MEAK7: variants seen among roughly 807,000 people sequenced by gnomAD.
MEAK7 encodes the protein MTOR-associated protein MEAK7.
MEAK7 carries 68 observed loss-of-function variants against 40.5 expected under a neutral mutation model. The observed-to-expected ratio is 1.68, with a 90% CI of 1.38 to 2.06. MEAK7 has a LOEUF of 2.06. MEAK7 is among the 30% of genes most tolerant of loss of function. The pLI is 0.00. For synonymous variants in MEAK7, 338 were observed against 231.9 expected (o/e 1.46, Z -4.16); for missense variants, 918 against 580.5 (o/e 1.58, Z -5.98).
chr16:84,487,929 A>T (rs958346780), intron 4 of MEAK7: 2 of 152,236 alleles, frequency 1.3e-5, no homozygotes, highest in African/African-American at 4.8e-5. Flanking sequence ...GCTCTTGCTG[A>T]CACAAAGGCC....
At position 84,489,335 on chromosome 16, in the gene MEAK7, G is replaced by A. The variant is rs1451343617; in HGVS notation, c.472C>T (p.Pro158Ser). Reference sequence around the variant, plus strand: ...GCCAGCACCTGCACCCGGGGGTTGGGCCCTGGGGCTTCCTTCCCAGTCCAG... The same window carrying A: ...GCCAGCACCTGCACCCGGGGGTTGGACCCTGGGGCTTCCTTCCCAGTCCAG... ...RGWTGKEAPG[P>S]NPRVQVLAAQ... is the part of the protein sequence containing the mutation. The change falls in exon 4 of 8, where the codon CCC becomes TCC. Residue 158 changes from proline to serine, a missense_variant. By Grantham distance (74) the Pro-to-Ser change is moderately conservative (BLOSUM62 -1). Coordinates refer to ENST00000343629, the MANE Select transcript of MEAK7 (RefSeq NM_020947.4). 1 of 1,614,160 alleles carries A rather than the reference G, an allele frequency of 6.2e-7. No homozygotes were observed. Among genetic ancestry groups the A allele is most frequent in the Non-Finnish European group, 8.5e-7 (1 of 1,180,024 alleles).
rs1026243287 is a variant in MEAK7, at chr16:84,479,899, G to T, written c.*14C>A. ...GAATCCAGGTCCTGGCTCCAGGAAG[G>T]CTCAGGCGGCTCCTCATTCATCGTC... is the stretch of plus-strand genomic sequence containing the variant. On this transcript the variant is annotated 3_prime_UTR_variant, in exon 8 of 8. Coordinates refer to ENST00000343629, the MANE Select transcript of MEAK7 (RefSeq NM_020947.4). The T allele has an allele frequency of 6.3e-7, 1 of 1,578,610 alleles. No individual in the cohort carries two copies. Among genetic ancestry groups the T allele is most frequent in the Non-Finnish European group, 8.6e-7 (1 of 1,156,464 alleles).
At chr16:84,500,612 C>T (rs771000651) in intron 1 of MEAK7, among the ~76,000 whole-genome samples, 9 of 152,160 alleles carry the variant, frequency 5.9e-5, no homozygotes, top group Admixed American at 2.6e-4. Context: ...AGGGCTTACC[C>T]GACCCCGTTT....
chr16:84,491,435 A>T (rs566098685), intron 3 of MEAK7, among the ~76,000 whole-genome samples: 3 of 150,432 alleles, frequency 2.0e-5, no homozygotes, highest in Admixed American at 6.6e-5. Flanking sequence ...CCTACTTGGG[A>T]TGCTGAGGCA....
intron 1 of MEAK7, among the ~76,000 whole-genome samples, chr16:84,498,321 T>G (rs1490134671): frequency 6.6e-6 from 1 of 152,120 alleles, no homozygotes; most frequent in African/African-American, 2.4e-5. Flanking sequence ...CAGGCTGGAG[T>G]GCAGTGGTGC....
chr16:84,482,506 C>A, intron 6 of MEAK7, 86 bp downstream of exon 6: 1 of 1,605,326 alleles, frequency 6.2e-7, no homozygotes, highest in South Asian at 1.1e-5. Context: ...GCGCCCTGCC[C>A]TGATCTGTGG....
In MEAK7 at chr16:84,476,727, G is replaced by C. The variant is rs1244597126; in HGVS notation, c.*3186C>G. On this transcript the variant is annotated 3_prime_UTR_variant, in exon 8 of 8. Transcript: ENST00000343629. ...AAAAAAGAAAGCGAGGGACACATCAGTGTGTAAAAGACAGTGATGCCCAGG... is the reference window on the plus strand; with the variant it reads ...AAAAAAGAAAGCGAGGGACACATCACTGTGTAAAAGACAGTGATGCCCAGG... 2.0e-5 allele frequency: 3 copies of C among 152,236 alleles called. No individual in the cohort carries two copies. The highest frequency in any genetic ancestry group is 6.5e-5 in the Admixed American group (1 of 15,286). The allele number at this position is 152,236 out of a possible 1,614,324, so 9.4% of individuals were successfully genotyped here. A position where few individuals can be genotyped will look rare whatever the true frequency, so the allele number is the denominator to read the frequency against.
chr16:84,498,016 A>G lies in MEAK7; in HGVS notation c.71T>C (p.Ile24Thr). Residue 24 changes from isoleucine to threonine, a missense_variant, in exon 2 of 8, where the codon ATT becomes ACT. Ile to Thr is a moderately conservative substitution (Grantham distance 89). Transcript: ENST00000343629. ...TGACAGAGCATCAAACAATTGATCA[A>G]TCTCTGCCTGTTCCTCAGGAAGAAA... ...SQFLPEEQAE[I>T]DQLFDALSSD... The G allele has an allele frequency of 6.2e-7, 1 of 1,614,154 alleles. No individual in the cohort carries two copies. Among genetic ancestry groups the G allele is most frequent in the Non-Finnish European group, 8.5e-7 (1 of 1,180,020 alleles).
chr16:84,481,720 T>C (rs1489360559), intron 6 of MEAK7, among the ~76,000 whole-genome samples: 1 of 151,992 alleles, frequency 6.6e-6, no homozygotes, highest in Non-Finnish European at 1.5e-5. Flanking sequence ...GATCACGAGG[T>C]CAGGAGATGG....
chr16:84,492,780 C>T (rs866811786), intron 3 of MEAK7, among the ~76,000 whole-genome samples: 1 of 152,016 alleles, frequency 6.6e-6, no homozygotes, highest in African/African-American at 2.4e-5. Context: ...CAGGGTTTCA[C>T]CATGTTAGCG....
intron 2 of MEAK7, among the ~76,000 whole-genome samples, chr16:84,496,770 T>G (rs1251993235): frequency 1.3e-5 from 2 of 152,130 alleles, no homozygotes; most frequent in African/African-American, 4.8e-5. Context: ...TCCCACAATC[T>G]GCTCCCATCC....
At chr16:84,495,511 C>T in intron 3 of MEAK7, 172 bp downstream of exon 3, 4 of 632,996 alleles carry the variant, frequency 6.3e-6, no homozygotes, top group Non-Finnish European at 1.1e-5. Flanking sequence ...AGGCACAGGC[C>T]TCTCTCCCAG....
At chr16:84,497,536 G>A (rs1305489921) in intron 2 of MEAK7, 15 of 1,291,466 alleles carry the variant, frequency 1.2e-5, no homozygotes, top group Middle Eastern at 2.1e-4. Context: ...CAGGAGGGAC[G>A]TGGTTCAAGA....
At chr16:84,484,704 T>C (rs1912879990) in intron 5 of MEAK7, among the ~76,000 whole-genome samples, 1 of 152,178 alleles carries the variant, frequency 6.6e-6, no homozygotes, top group South Asian at 2.1e-4. Flanking sequence ...AGCTATTAAA[T>C]CACTTAAAGT....
At position 84,500,546 on chromosome 16, in the gene MEAK7, T is replaced by TG. The variant is rs573164507; in HGVS notation, c.-25-2436dup. Among the ~76,000 whole-genome samples, 355 of 152,278 alleles carry TG rather than the reference T, an allele frequency of 2.3e-3. 2 individuals are homozygous for TG. Among genetic ancestry groups the TG allele is most frequent in the African/African-American group, 8.0e-3 (334 of 41,546 alleles). ...GCCCCTCTGCACAGGAAGTCTCCAC[T>TG]GGGGGGCTCCTTGGAAGGGGATGGG... is the stretch of plus-strand genomic sequence containing the variant. On this transcript the variant is annotated intron_variant, in intron 1 of 7. Coordinates refer to ENST00000343629, the MANE Select transcript of MEAK7 (RefSeq NM_020947.4).
rs151316478 is a variant in MEAK7, at chr16:84,495,907, C to T, written c.160G>A (p.Val54Ile). The change falls in exon 3 of 8, where the codon GTC becomes ATC. Residue 54 changes from valine (V) to isoleucine (I), a missense_variant. Transcript: ENST00000343629. Reference protein sequence around the residue: ...SFSLKALQNHVGEALPPEMVT... With the variant: ...SFSLKALQNHIGEALPPEMVT... ...ATCTCTGGGGGAAGAGCTTCCCCGA[C>T]GTGGTTCTGCCGGGGACAAGCAGAA... 200 of 1,613,812 alleles carry T rather than the reference C, an allele frequency of 1.2e-4. No homozygotes were observed. The highest frequency in any genetic ancestry group is 1.5e-4 in the Non-Finnish European group (177 of 1,180,016).
Position 84,486,649 on chromosome 16 carries a change from C to G in MEAK7, c.940G>C (p.Val314Leu). The change falls in exon 5 of 8, where the codon GTG (valine) becomes CTG (leucine). Residue 314 changes from valine (V) to leucine (L), a missense_variant. Coordinates refer to ENST00000343629, the MANE Select transcript of MEAK7 (RefSeq NM_020947.4). ...GTCTTACCTTGAAACTGAGGCTTCACCTCCCAAGAGCAAGAGGCAAACCCA... is the reference window on the plus strand; with the variant it reads ...GTCTTACCTTGAAACTGAGGCTTCAGCTCCCAAGAGCAAGAGGCAAACCCA... ...FGGFASCSWE[V>L]KPQFQGDNRC... is the part of the protein sequence containing the mutation. 6 of 1,608,862 alleles carry G rather than the reference C, an allele frequency of 3.7e-6. No individual in the cohort carries two copies. Among genetic ancestry groups the G allele is most frequent in the Non-Finnish European group, 5.1e-6 (6 of 1,177,572 alleles).
chr16:84,500,806 C>T (rs1296533229), intron 1 of MEAK7, among the ~76,000 whole-genome samples: 1 of 152,144 alleles, frequency 6.6e-6, no homozygotes, highest in Non-Finnish European at 1.5e-5. Context: ...ACAGCCCAAG[C>T]AGCCAAAACA....
chr16:84,487,062 A>G lies in MEAK7; in HGVS notation c.530-3T>C. The G allele has an allele frequency of 6.2e-7, 1 of 1,607,214 alleles. No homozygotes were observed. Among genetic ancestry groups the G allele is most frequent in the Non-Finnish European group, 8.5e-7 (1 of 1,176,686 alleles). Reference sequence around the variant, plus strand: ...GGGCCCCAGAAGTCTCTTGCCATCTAGGGGAAGGGGATGGTCAGCATTAGT... The same window carrying G: ...GGGCCCCAGAAGTCTCTTGCCATCTGGGGGAAGGGGATGGTCAGCATTAGT... On this transcript the variant is annotated splice_region_variant and splice_polypyrimidine_tract_variant and intron_variant, in intron 4 of 7. Coordinates refer to ENST00000343629, the MANE Select transcript of MEAK7 (RefSeq NM_020947.4).
Sources: allele counts gnomAD v4.1 joint callset (sites outside exome capture counted in the v4.1 genomes callset), GRCh38; gene constraint gnomAD v4.1.1; transcripts MANE v1.5; gene names NCBI Gene and HGNC (gene_info 2026-07-23, HGNC 2026-07-21).